Variants in RPS6KA6 observed in about 807,000 individuals in gnomAD.
RPS6KA6 encodes ribosomal protein S6 kinase A6.
Under a neutral mutation model 65.4 loss-of-function variants are expected in RPS6KA6, and 27 were observed. The observed-to-expected ratio is 0.41, with a 90% CI of 0.30 to 0.57. RPS6KA6 has a LOEUF of 0.57. RPS6KA6 is among the 20% of genes least tolerant of loss of function. The pLI, the probability that RPS6KA6 is intolerant of heterozygous loss-of-function variation, is 0.24. For synonymous variants in RPS6KA6, 190 were observed against 184.2 expected (o/e 1.03, Z -0.26); for missense variants, 486 against 555.6 (o/e 0.87, Z 1.26).
chrX:84,090,423 G>A (rs2034020350), intron 20 of RPS6KA6, among the ~76,000 whole-genome samples: 1 of 111,670 alleles, frequency 9.0e-6, no homozygotes, highest in Non-Finnish European at 1.9e-5. Flanking sequence ...TATTTTAACT[G>A]TAAAACTGCT....
At chrX:84,159,433 G>A (rs1386516443) in intron 2 of RPS6KA6, among the ~76,000 whole-genome samples, 9 of 110,608 alleles carry the variant, frequency 8.1e-5, no homozygotes, top group African/African-American at 3.0e-4. Flanking sequence ...CTTTTTTCCT[G>A]AGAGTAAATC....
rs1270235625 is a variant in RPS6KA6 at position 84,140,753 on chromosome X, AC to A, written c.501+4724del. ...CATCTCAAAAAAAAAAAAAAAAAAA[AC>A]ATACATATATATATATATAGTCAAA... On this transcript the variant is annotated intron_variant, in intron 6 of 21. Coordinates refer to ENST00000262752, the MANE Select transcript of RPS6KA6 (RefSeq NM_014496.5). 3.1e-3 allele frequency among the ~76,000 whole-genome samples: 312 copies of A among 100,940 alleles called. 10 individuals are homozygous for A. The East Asian group carries it at 0.088, about 29-fold the overall frequency. 87.7% of individuals were successfully genotyped at this position (100,940 alleles called of 115,157 possible). A position where few individuals can be genotyped will look rare whatever the true frequency, so the allele number is the denominator to read the frequency against.
intron 18 of RPS6KA6, among the ~76,000 whole-genome samples, chrX:84,100,554 T>C (rs1293244895): frequency 1.8e-5 from 2 of 111,071 alleles, no homozygotes; most frequent in Non-Finnish European, 3.8e-5. Context: ...GGTTATTCTA[T>C]ACTCTGCTCT....
intron 1 of RPS6KA6, among the ~76,000 whole-genome samples, chrX:84,175,997 GTTGTACTACT>G (rs1023790223): frequency 8.9e-6 from 1 of 111,745 alleles, no homozygotes; most frequent in African/African-American, 3.2e-5. Context: ...AGGACTAGTA[GTTGTACTACT>G]ATTACTACTG....
In RPS6KA6 at chrX:84,116,973, C is replaced by T. The variant is rs1003715151; in HGVS notation, c.949+87G>A. On this transcript the variant is annotated intron_variant, in intron 11 of 21. Transcript: ENST00000262752. Reference sequence around the variant, plus strand: ...AAATTCTACGTATAGAAGTAATGTGCTCAAATCAAACAAGAAAACATAAAG... The same window carrying T: ...AAATTCTACGTATAGAAGTAATGTGTTCAAATCAAACAAGAAAACATAAAG... 9.8e-6 allele frequency: 6 copies of T among 611,560 alleles called. No individual in the cohort carries two copies. The Admixed American group carries it at 2.0e-4, about 21-fold the overall frequency. 50.4% of individuals were successfully genotyped at this position (611,560 alleles called of 1,213,427 possible).
chrX:84,147,780 T>C (rs1392014579), intron 4 of RPS6KA6, among the ~76,000 whole-genome samples: 1 of 112,031 alleles, frequency 8.9e-6, no homozygotes, highest in Non-Finnish European at 1.9e-5. Context: ...GAAGAGAATA[T>C]ATCCTAATTA....
intron 19 of RPS6KA6, among the ~76,000 whole-genome samples, chrX:84,096,919 T>C (rs1236665135): frequency 9.0e-6 from 1 of 111,263 alleles, no homozygotes; most frequent in Admixed American, 9.6e-5. Flanking sequence ...GTATTTACTG[T>C]TGTCTATAAC....
At chrX:84,078,444 T>C (rs1383724780) in intron 20 of RPS6KA6, among the ~76,000 whole-genome samples, 1 of 109,316 alleles carries the variant, frequency 9.1e-6, no homozygotes, top group Non-Finnish European at 1.9e-5. Flanking sequence ...CTCATAGGTA[T>C]TTATACAAAA....
rs370984162 is a variant in RPS6KA6 at position 84,152,988 on chromosome X, T to C, written c.258+3087A>G. Among the ~76,000 whole-genome samples the C allele has an allele frequency of 4.5e-5, 5 of 111,455 alleles. No individual in the cohort carries two copies. In the South Asian group the frequency reaches 1.9e-3, roughly 41 times the overall value. ...GAAATTGTCCAAAAGAATGGGTGAG[T>C]TACTCCAATATAATTTTCTCTCAAT... On this transcript the variant is annotated intron_variant, in intron 3 of 21. Transcript: ENST00000262752.
chrX:84,176,283 T>C (rs753002453), intron 1 of RPS6KA6, among the ~76,000 whole-genome samples: 1 of 112,078 alleles, frequency 8.9e-6, no homozygotes, highest in Non-Finnish European at 1.9e-5. Context: ...CAGTCTCATA[T>C]GGGCTACAAC....
chrX:84,180,528 T>C (rs751363725), intron 1 of RPS6KA6, among the ~76,000 whole-genome samples: 7 of 112,170 alleles, frequency 6.2e-5, no homozygotes, highest in Non-Finnish European at 1.1e-4. Context: ...GTCTTTATTA[T>C]AGTTACATAG....
chrX:84,187,770 G>T (rs2035946612), intron 1 of RPS6KA6, 49 bp downstream of exon 1: 1 of 1,136,483 alleles, frequency 8.8e-7, no homozygotes, highest in Middle Eastern at 2.4e-4. Context: ...AGGTCTTGAG[G>T]GGAAGGAGGC....
chrX:84,115,296 G>A (rs1413472086), intron 12 of RPS6KA6, among the ~76,000 whole-genome samples: 4 of 111,481 alleles, frequency 3.6e-5, no homozygotes, highest in African/African-American at 1.3e-4. Context: ...GTGGGCAAAG[G>A]ATATGAACAC....
intron 11 of RPS6KA6, 56 bp downstream of exon 11, chrX:84,117,004 A>C: frequency 1.3e-6 from 1 of 760,332 alleles, no homozygotes; most frequent in Non-Finnish European, 1.9e-6. Flanking sequence ...TAAAGATTTA[A>C]TTATCCTCCC....
intron 12 of RPS6KA6, among the ~76,000 whole-genome samples, chrX:84,111,069 TA>T (rs2034460956): frequency 9.2e-6 from 1 of 108,115 alleles, no homozygotes; most frequent in African/African-American, 3.3e-5. Flanking sequence ...TTGAAAACTT[TA>T]ATAACATACT....
intron 20 of RPS6KA6, among the ~76,000 whole-genome samples, chrX:84,065,907 A>G (rs1246915576): frequency 9.0e-6 from 1 of 111,339 alleles, no homozygotes; most frequent in African/African-American, 3.3e-5. Context: ...TCCATTTACA[A>G]CTGAGGTACC....
intron 20 of RPS6KA6, among the ~76,000 whole-genome samples, chrX:84,088,341 G>A (rs918944767): frequency 4.5e-5 from 5 of 112,110 alleles, no homozygotes; most frequent in Non-Finnish European, 7.5e-5. Flanking sequence ...GTTGTTTTCT[G>A]TTTGTTGTTC....
intron 1 of RPS6KA6, among the ~76,000 whole-genome samples, chrX:84,186,502 C>A (rs1226232102): frequency 5.4e-5 from 6 of 111,571 alleles, no homozygotes; most frequent in African/African-American, 2.0e-4. Context: ...ATTGGAATTG[C>A]TTGGTTTACT....
At position 84,140,770 on chromosome X, in the gene RPS6KA6, T is replaced by C. The variant is rs1264286628; in HGVS notation, c.501+4708A>G. Among the ~76,000 whole-genome samples, 6 of 96,572 alleles carry C rather than the reference T, an allele frequency of 6.2e-5. No individual in the cohort carries two copies. The Admixed American group carries it at 7.1e-4, about 11-fold the overall frequency. 83.9% of individuals were successfully genotyped at this position (96,572 alleles called of 115,157 possible). ...AAAAAAAAACATACATATATATATATATAGTCAAACATGGATCTGAGGAAA... is the reference window on the plus strand; with the variant it reads ...AAAAAAAAACATACATATATATATACATAGTCAAACATGGATCTGAGGAAA... On this transcript the variant is annotated intron_variant, in intron 6 of 21. Coordinates refer to ENST00000262752, the MANE Select transcript of RPS6KA6 (RefSeq NM_014496.5).
Sources: gnomAD v4.1 joint callset for allele counts (sites outside exome capture counted in the v4.1 genomes callset) on GRCh38, gnomAD v4.1.1 for gene constraint, MANE v1.5 for transcripts, NCBI Gene and HGNC (gene_info 2026-07-23, HGNC 2026-07-21) for gene names.